Variants in SERPINE2 observed in about 807,000 individuals in gnomAD.
SERPINE2 encodes glia-derived nexin.
In SERPINE2, 14 loss-of-function variants were observed where a neutral mutation model predicts 36.3. The ratio of observed to expected loss-of-function variants is 0.39; its 90% confidence interval spans 0.25 to 0.60. SERPINE2 has a LOEUF of 0.60. Among genes scored for constraint, SERPINE2 ranks in the 20% least tolerant of loss-of-function variants. SERPINE2 has a pLI of 0.57. For missense variants in SERPINE2, 418 were observed against 499.6 expected (o/e 0.84, Z 1.56); for synonymous variants, 192 against 191.8 (o/e 1.00, Z -0.01).
At chr2:224,002,122 G>A (rs926337870) in intron 1 of SERPINE2, among the ~76,000 whole-genome samples, 200 bp from the exon 2 acceptor site, 29 of 151,954 alleles carry the variant, frequency 1.9e-4, no homozygotes, top group Admixed American at 7.2e-4. Context: ...AATTACAGGC[G>A]TGTACCACCA....
intron 7 of SERPINE2, chr2:223,979,477 T>C (rs1690141397): frequency 6.6e-6 from 1 of 152,242 alleles, no homozygotes; most frequent in South Asian, 2.1e-4. Flanking sequence ...ATAACTGGTA[T>C]GTTTCAATGA....
chr2:224,020,274 A>C (rs545978205), intron 1 of SERPINE2, among the ~76,000 whole-genome samples: 18 of 152,298 alleles, frequency 1.2e-4, no homozygotes, highest in Non-Finnish European at 2.4e-4. Context: ...TCTGAAGTGA[A>C]ATGGTACGAA....
intron 3 of SERPINE2, among the ~76,000 whole-genome samples, chr2:223,994,461 G>C (rs1209029193): frequency 2.0e-5 from 3 of 152,212 alleles, no homozygotes; most frequent in Admixed American, 6.5e-5. Context: ...CCACAGACAT[G>C]CATCTATCAT....
chr2:224,010,695 A>G (rs1231709858), intron 1 of SERPINE2, among the ~76,000 whole-genome samples: 4 of 152,182 alleles, frequency 2.6e-5, no homozygotes, highest in Admixed American at 2.6e-4. Flanking sequence ...CCATATTAGA[A>G]ATCATATCTC....
At chr2:223,982,838 T>TA in intron 5 of SERPINE2, 57 bp from the exon 6 acceptor site, 2 of 1,219,330 alleles carry the variant, frequency 1.6e-6, no homozygotes, top group Non-Finnish European at 2.4e-6. Flanking sequence ...TGCTACATGA[T>TA]AGAGTCGGTG....
intron 1 of SERPINE2, among the ~76,000 whole-genome samples, chr2:224,035,660 C>T (rs961252886): frequency 4.6e-5 from 7 of 152,190 alleles, no homozygotes; most frequent in Admixed American, 3.3e-4. Context: ...TGAGCCACCA[C>T]GCACTGCCTC....
intron 1 of SERPINE2, among the ~76,000 whole-genome samples, chr2:224,032,808 T>C (rs1692422662): frequency 6.6e-6 from 1 of 152,184 alleles, no homozygotes; most frequent in African/African-American, 2.4e-5. Flanking sequence ...TGCCAAAACA[T>C]ACGAGTGGAA....
At chr2:224,005,913 C>T (rs1261742291) in intron 1 of SERPINE2, among the ~76,000 whole-genome samples, 1 of 152,206 alleles carries the variant, frequency 6.6e-6, no homozygotes, top group Non-Finnish European at 1.5e-5. Context: ...CATATCCTTC[C>T]AAATGCCAGG....
chr2:224,000,299 C>T (rs971289947), intron 2 of SERPINE2, among the ~76,000 whole-genome samples: 4 of 152,118 alleles, frequency 2.6e-5, no homozygotes, highest in Admixed American at 1.3e-4. Context: ...GGGGGGGAGC[C>T]AGTCCTGCTC....
intron 7 of SERPINE2, chr2:223,980,001 A>G: frequency 4.8e-6 from 1 of 209,024 alleles, no homozygotes; most frequent in Non-Finnish European, 9.6e-6. Context: ...AAGAGCTAAG[A>G]AGCTGTAATG....
At chr2:223,998,743 C>T (rs757050638) in intron 2 of SERPINE2, among the ~76,000 whole-genome samples, 2 of 152,090 alleles carry the variant, frequency 1.3e-5, no homozygotes, top group Non-Finnish European at 2.9e-5. Flanking sequence ...ACAGTATAAA[C>T]AGGATAGCTA....
At chr2:223,984,265 A>G (rs180716926) in intron 5 of SERPINE2, among the ~76,000 whole-genome samples, 78 of 152,328 alleles carry the variant, frequency 5.1e-4, no homozygotes, top group Middle Eastern at 3.4e-3. Flanking sequence ...AACAGCTCAA[A>G]TTCCATCTTT....
At chr2:224,018,281 G>C (rs1166261555) in intron 1 of SERPINE2, among the ~76,000 whole-genome samples, 1 of 152,188 alleles carries the variant, frequency 6.6e-6, no homozygotes, top group African/African-American at 2.4e-5. Flanking sequence ...GCCTGAAACT[G>C]AAATAGGGTG....
chr2:223,983,759 TG>T (rs374481619), intron 5 of SERPINE2, among the ~76,000 whole-genome samples: 1,161 of 58,618 alleles, frequency 0.02, 19 homozygotes, highest in African/African-American at 0.032. Flanking sequence ...TGTGTGTGTG[TG>T]TGTGTAAATG....
chr2:223,993,095 A>T (rs1309861293), intron 3 of SERPINE2, among the ~76,000 whole-genome samples: 1 of 151,592 alleles, frequency 6.6e-6, no homozygotes. Context: ...ACTGCACTCC[A>T]GCCTGGGTGA....
intron 1 of SERPINE2, chr2:224,031,613 T>C (rs1176117021): frequency 1.9e-6 from 1 of 523,912 alleles, no homozygotes; most frequent in East Asian, 1.5e-4. Flanking sequence ...CCCACAGCCA[T>C]TGGTATCGGG....
chr2:224,037,604 C>A (rs1195039074), intron 1 of SERPINE2, among the ~76,000 whole-genome samples: 1 of 152,190 alleles, frequency 6.6e-6, no homozygotes, highest in Non-Finnish European at 1.5e-5. Context: ...AAAGAACTGG[C>A]TGGAAGAGGA....
At chr2:224,021,108 G>A (rs528935885) in intron 1 of SERPINE2, among the ~76,000 whole-genome samples, 4 of 152,280 alleles carry the variant, frequency 2.6e-5, no homozygotes, top group South Asian at 2.1e-4. Context: ...GACATCCTTC[G>A]TTCAGGAGTC....
intron 7 of SERPINE2, chr2:223,979,949 T>G (rs1227455892): frequency 1.2e-5 from 2 of 162,746 alleles, no homozygotes; most frequent in East Asian, 3.4e-4. Context: ...CAGCCACATC[T>G]GTTTACTTGT....
Sources: gnomAD v4.1 joint callset for allele counts (sites outside exome capture counted in the v4.1 genomes callset) on GRCh38, gnomAD v4.1.1 for gene constraint, MANE v1.5 for transcripts, NCBI Gene and HGNC (gene_info 2026-07-23, HGNC 2026-07-21) for gene names.